ITSN1: variants seen among roughly 807,000 people sequenced by gnomAD.
The protein encoded by ITSN1 is intersectin-1.
In ITSN1, 58 loss-of-function variants were observed where a neutral mutation model predicts 239.8. The observed-to-expected ratio is 0.24, with a 90% CI of 0.20 to 0.30. The LOEUF (loss-of-function observed/expected upper bound fraction) is 0.30. Ranked by LOEUF, ITSN1 falls within the 10% of genes least tolerant of loss-of-function variation. ITSN1 has a pLI of 1.00. For synonymous variants in ITSN1, 780 were observed against 770.8 expected, an observed-to-expected ratio of 1.01 and a Z score of -0.20; for missense variants, 1,558 against 2,103.3, an observed-to-expected ratio of 0.74 and a Z score of 5.07.
At position 33,895,493 on chromosome 21, in the gene ITSN1, ATGTG is replaced by A. The variant is rs142688757; in HGVS notation, c.*7198_*7201del. The A allele has an allele frequency of 7.0e-6, 1 of 142,410 alleles. No homozygotes were observed. The highest frequency in any genetic ancestry group is 7.0e-5 in the Admixed American group (1 of 14,296). 8.8% of individuals were successfully genotyped at this position (142,410 alleles called of 1,614,324 possible). A position where few individuals can be genotyped will look rare whatever the true frequency, so the allele number is the denominator to read the frequency against. ...TGTGTGCATGGGTTTGCGTGCATGC[ATGTG>A]TGTGCGTGCGCGTGTTTGTGTGTGC... On this transcript the variant is annotated 3_prime_UTR_variant, in exon 40 of 40. Transcript: ENST00000381318.
At chr21:33,830,730 A>C (rs984675086) in intron 27 of ITSN1, among the ~76,000 whole-genome samples, 2 of 152,238 alleles carry the variant, frequency 1.3e-5, no homozygotes, top group Non-Finnish European at 2.9e-5. Flanking sequence ...TACATTAGAC[A>C]AAATTACTGT....
intron 5 of ITSN1, among the ~76,000 whole-genome samples, chr21:33,740,761 A>C (rs1601940241): frequency 1.3e-5 from 2 of 152,332 alleles, no homozygotes; most frequent in South Asian, 4.1e-4. Flanking sequence ...GTCTTTTTGC[A>C]GTGGCTATTT....
intron 20 of ITSN1, among the ~76,000 whole-genome samples, chr21:33,808,044 G>A (rs1245673201): frequency 1.3e-5 from 2 of 152,026 alleles, no homozygotes; most frequent in East Asian, 2.0e-4. Flanking sequence ...AAAATTAGCC[G>A]GGCGCGGTGG....
chr21:33,847,895 C>A (rs1209598813), intron 29 of ITSN1, among the ~76,000 whole-genome samples: 1 of 152,200 alleles, frequency 6.6e-6, no homozygotes, highest in African/African-American at 2.4e-5. Flanking sequence ...CACACGGGAG[C>A]TTTGCCGATA....
chr21:33,878,006 CTTTGTGTGTGTG>C (rs1984257143), intron 34 of ITSN1, among the ~76,000 whole-genome samples: 1 of 103,322 alleles, frequency 9.7e-6, no homozygotes, highest in South Asian at 3.8e-4. Flanking sequence ...TTCTCTCTCT[CTTTGTGTGTGTG>C]TGTGTGTGTG....
chr21:33,749,160 T>A (rs1232832611), intron 5 of ITSN1, among the ~76,000 whole-genome samples: 1 of 152,018 alleles, frequency 6.6e-6, no homozygotes, highest in Non-Finnish European at 1.5e-5. Flanking sequence ...GGCTAATTTT[T>A]AAAATTTTTT....
chr21:33,720,039 A>G (rs867735287), intron 2 of ITSN1, among the ~76,000 whole-genome samples: 1 of 152,094 alleles, frequency 6.6e-6, no homozygotes, highest in South Asian at 2.1e-4. Context: ...TAGTTATTCT[A>G]TTTTATTTTT....
At chr21:33,790,260 AAAC>A (rs980556819) in intron 16 of ITSN1, among the ~76,000 whole-genome samples, 1 of 151,808 alleles carries the variant, frequency 6.6e-6, no homozygotes, top group African/African-American at 2.4e-5. Flanking sequence ...TTTTTAAAAA[AAAC>A]TTATTTTAAT....
At chr21:33,718,423 A>G (rs1232626986) in intron 1 of ITSN1, among the ~76,000 whole-genome samples, 1 of 152,196 alleles carries the variant, frequency 6.6e-6, no homozygotes, top group Non-Finnish European at 1.5e-5. Context: ...CAGACTTTTA[A>G]GCTTACAGAA....
chr21:33,651,318 C>A (rs954954965), intron 1 of ITSN1, among the ~76,000 whole-genome samples: 2 of 152,206 alleles, frequency 1.3e-5, no homozygotes, highest in African/African-American at 2.4e-5. Flanking sequence ...TAAAAATCTC[C>A]TTCTGAGTAT....
chr21:33,819,225 T>C lies in ITSN1; in HGVS notation c.2934-16T>C, dbSNP rs935245778. On this transcript the variant is annotated splice_polypyrimidine_tract_variant and intron_variant, in intron 23 of 39. Coordinates refer to ENST00000381318, the MANE Select transcript of ITSN1 (RefSeq NM_003024.3). ...GAAGATAAAAATTAAAATACTCTCT[T>C]CTTCCATTATTGCAGCATGGATTCT... 3 of 1,583,242 alleles carry C rather than the reference T, an allele frequency of 1.9e-6. No individual in the cohort carries two copies. Among genetic ancestry groups the C allele is most frequent in the African/African-American group, 2.7e-5 (2 of 74,268 alleles).
intron 1 of ITSN1, among the ~76,000 whole-genome samples, chr21:33,708,828 T>C (rs1001943236): frequency 6.6e-6 from 1 of 152,246 alleles, no homozygotes; most frequent in African/African-American, 2.4e-5. Context: ...CGTTTTGAAT[T>C]AATTTTTGTG....
chr21:33,773,535 G>A (rs927560397), intron 12 of ITSN1, among the ~76,000 whole-genome samples: 3 of 152,048 alleles, frequency 2.0e-5, no homozygotes, highest in African/African-American at 4.8e-5. Context: ...TGAGTGCTGT[G>A]CCTCAAGCCT....
intron 33 of ITSN1, among the ~76,000 whole-genome samples, chr21:33,872,141 A>G (rs1424044387): frequency 3.3e-5 from 5 of 152,264 alleles, no homozygotes; most frequent in African/African-American, 1.2e-4. Flanking sequence ...TATTGAAAAG[A>G]TTATAGGTCC....
chr21:33,741,064 T>C (rs1053081534), intron 5 of ITSN1, among the ~76,000 whole-genome samples: 2 of 152,228 alleles, frequency 1.3e-5, no homozygotes, highest in African/African-American at 4.8e-5. Flanking sequence ...CTTGGCCTTT[T>C]CCTCAGTGTC....
intron 29 of ITSN1, among the ~76,000 whole-genome samples, chr21:33,838,914 A>G (rs1165321805): frequency 1.3e-5 from 2 of 152,208 alleles, no homozygotes; most frequent in East Asian, 3.8e-4. Context: ...AAACTTGCAC[A>G]TGCCCCACGT....
chr21:33,731,004 C>T (rs555943963), intron 4 of ITSN1, among the ~76,000 whole-genome samples: 2 of 152,328 alleles, frequency 1.3e-5, no homozygotes, highest in East Asian at 3.9e-4. Context: ...CCGTAACTAC[C>T]ATATTTCCAT....
intron 1 of ITSN1, among the ~76,000 whole-genome samples, chr21:33,717,919 A>G (rs903812925): frequency 7.2e-5 from 11 of 152,158 alleles, no homozygotes; most frequent in Non-Finnish European, 1.5e-4. Context: ...TTTTTTTCAC[A>G]TCGGCTGTTG....
intron 14 of ITSN1, among the ~76,000 whole-genome samples, chr21:33,778,680 G>A (rs1156477593): frequency 7.9e-5 from 10 of 125,944 alleles, no homozygotes; most frequent in African/African-American, 2.8e-4. Flanking sequence ...CCGGGTTCAC[G>A]CCATTCTCCT....
Sources: gnomAD v4.1 joint callset for allele counts (sites outside exome capture counted in the v4.1 genomes callset) on GRCh38, gnomAD v4.1.1 for gene constraint, MANE v1.5 for transcripts, NCBI Gene and HGNC (gene_info 2026-07-23, HGNC 2026-07-21) for gene names.